Variants in HYOU1 observed in about 807,000 individuals in gnomAD.
HYOU1 encodes the protein hypoxia up-regulated 1.
Under a neutral mutation model 120.5 loss-of-function variants are expected in HYOU1, and 40 were observed. The ratio of observed to expected loss-of-function variants is 0.33; its 90% CI spans 0.26 to 0.43. The LOEUF is 0.43. Ranked by LOEUF, HYOU1 falls within the 20% of genes least tolerant of loss-of-function variation. The pLI is 1.00. For missense variants in HYOU1, 1,085 were observed against 1,278.3 expected (o/e 0.85, Z 2.31); for synonymous variants, 501 against 479.4 (o/e 1.05, Z -0.59).
In HYOU1 at chr11:119,052,343, C is replaced by A. The variant is rs2133592076; in HGVS notation, c.1074G>T (p.Arg358=). 3.6e-5 allele frequency: 58 copies of A among 1,614,236 alleles called. 1 individual carries two copies. In the South Asian group the frequency reaches 4.2e-4, roughly 12 times the overall value. ...FEELCADLFE[R]VPGPVQQALQ... is the part of the protein sequence containing the mutation. ...GGGCCTGCTGTACAGGCCCAGGCAC[C>A]CGCTCAAACAAGTCTGCACACAACT... Residue 358 remains arginine, a synonymous_variant, in exon 10 of 26, where the codon CGG becomes CGT. Coordinates refer to ENST00000617285, the MANE Select transcript of HYOU1 (RefSeq NM_006389.5). This position sits in a 1 kb window ranked among gnomAD's most constrained non-coding sequence, Gnocchi z 5.0.
intron 7 of HYOU1, 23 bp from the exon 8 acceptor site, chr11:119,054,259 G>C (rs2133603797): frequency 2.5e-6 from 4 of 1,579,958 alleles, no homozygotes; most frequent in Middle Eastern, 1.7e-4. Context: ...CAAGGCAACT[G>C]TCACAGGAAC....
At position 119,051,634 on chromosome 11, in the gene HYOU1, C is replaced by A. The variant is rs201609952; in HGVS notation, c.1339-9G>T. On this transcript the variant is annotated splice_polypyrimidine_tract_variant and intron_variant, in intron 12 of 25. Transcript: ENST00000617285. This position sits in a 1 kb window ranked among gnomAD's most constrained non-coding sequence, Gnocchi z 4.2. ...TCCCTCGTGAACTCCACCTACACAG[C>A]AGGCAGACAGAGGCACACTGTTGCA... 5.3e-5 allele frequency: 85 copies of A among 1,613,856 alleles called. No individual in the cohort carries two copies. In the African/African-American group the frequency reaches 1.0e-3, roughly 19 times the overall value.
In HYOU1 at chr11:119,048,288, G is replaced by C; in HGVS notation, c.2336C>G (p.Ser779Cys). 1 of 1,611,492 alleles carries C rather than the reference G, an allele frequency of 6.2e-7. No homozygotes were observed. Among genetic ancestry groups the C allele is most frequent in the East Asian group, 2.2e-5 (1 of 44,878 alleles). ...EEISGKLSAA[S>C]TWLEDEGVGA... Reference sequence around the variant, plus strand: ...AACACCCTCATCCTCCAGCCAGGTGGATGCGGCGCTGAGCTTCCCAGAGAT... The same window carrying C: ...AACACCCTCATCCTCCAGCCAGGTGCATGCGGCGCTGAGCTTCCCAGAGAT... Residue 779 changes from serine to cysteine, a missense_variant, in exon 20 of 26, where the codon TCC becomes TGC. Ser to Cys is a moderately radical substitution (Grantham distance 112). Transcript: ENST00000617285. The surrounding 1 kb of genome is among the most constrained non-coding windows in gnomAD (Gnocchi z 4.7).
At position 119,047,758 on chromosome 11, in the gene HYOU1, T is replaced by C; in HGVS notation, c.2571A>G (p.Leu857=). Residue 857 remains leucine (L), a synonymous_variant, in exon 22 of 26, where the codon TTA becomes TTG. Coordinates refer to ENST00000617285, the MANE Select transcript of HYOU1 (RefSeq NM_006389.5). ...CCCAGGTCTCATTGATGACTTTCTC[T>C]AACGTTGTCATCTCCACCTCAGTGA... The part of the protein sequence containing the change: ...QIFTEVEMTT[L]EKVINETWAW... 1 of 1,614,050 alleles carries C rather than the reference T, an allele frequency of 6.2e-7. No individual in the cohort carries two copies.
At chr11:119,045,927 AT>A in intron 24 of HYOU1, 96 bp from the exon 25 acceptor site, 1 of 1,192,600 alleles carries the variant, frequency 8.4e-7, no homozygotes, top group Non-Finnish European at 1.2e-6. Flanking sequence ...GCTAGTAAAT[AT>A]TTTAGGATGC....
Position 119,048,029 on chromosome 11 carries a change from A to G in HYOU1, c.2428T>C (p.Phe810Leu). Residue 810 changes from phenylalanine (F) to leucine (L), a missense_variant, in exon 21 of 26, where the codon TTT becomes CTT. Phe to Leu is a conservative substitution (Grantham distance 22). Transcript: ENST00000617285. This position sits in a 1 kb window ranked among gnomAD's most constrained non-coding sequence, Gnocchi z 4.7. ...CACTTCTTGCGCTCCTCTACCCGAA[A>G]AAACAGCCCTTGGCACAGCTTCCTC... is the stretch of plus-strand genomic sequence containing the variant. ...ELRKLCQGLFFRVEERKKWPE... is the reference protein window; with the variant it reads ...ELRKLCQGLFLRVEERKKWPE... 2 of 1,614,206 alleles carry G rather than the reference A, an allele frequency of 1.2e-6. No homozygotes were observed. Among genetic ancestry groups the G allele is most frequent in the East Asian group, 2.2e-5 (1 of 44,888 alleles).
chr11:119,056,364 G>A (rs1944763366), intron 1 of HYOU1, 197 bp from the exon 2 acceptor site: 2 of 665,908 alleles, frequency 3.0e-6, no homozygotes, highest in Non-Finnish European at 5.5e-6. Context: ...CCCACACAAA[G>A]GCCCAAGTGA....
At chr11:119,053,130 T>C (rs2133597872) in intron 8 of HYOU1, 6 of 341,314 alleles carry the variant, frequency 1.8e-5, no homozygotes, top group African/African-American at 1.1e-4. Context: ...TATGGAAAAG[T>C]TGAATAATCA....
rs1944831366 is a variant in HYOU1, at chr11:119,057,133, CTG to C, written c.-123_-122del. On this transcript the variant is annotated 5_prime_UTR_variant, in exon 1 of 26. Transcript: ENST00000617285. ...TTCACAACTCCTCTCGGTTTGCAAA[CTG>C]TTACATTAGCCACCAACCTCTCGGC... 1.3e-5 allele frequency: 2 copies of C among 152,064 alleles called. No individual in the cohort carries two copies. Among genetic ancestry groups the C allele is most frequent in the African/African-American group, 2.4e-5 (1 of 41,418 alleles). 9.4% of individuals were successfully genotyped at this position (152,064 alleles called of 1,614,324 possible). A position where few individuals can be genotyped will look rare whatever the true frequency, so the allele number is the denominator to read the frequency against.
rs1277197637 is a variant in HYOU1, at chr11:119,055,703, G to A, written c.185+47C>T. ...TATGACTAACACATTCACACTTGGA[G>A]CCCAGACTCCCTCGTTCCCCACCCT... On this transcript the variant is annotated intron_variant, in intron 3 of 25. Coordinates refer to ENST00000617285, the MANE Select transcript of HYOU1 (RefSeq NM_006389.5). The surrounding 1 kb of genome is among the most constrained non-coding windows in gnomAD (Gnocchi z 4.0). The A allele has an allele frequency of 6.4e-7, 1 of 1,550,676 alleles. No homozygotes were observed. The highest frequency in any genetic ancestry group is 8.9e-7 in the Non-Finnish European group (1 of 1,122,368).
chr11:119,055,944 G>T lies in HYOU1; in HGVS notation c.92-101C>A. ...CACTTTCCATGGGTAAACGAAGATG[G>T]CAAAAGACAAAAAGGCCTGGACCTA... On this transcript the variant is annotated intron_variant, in intron 2 of 25. Transcript: ENST00000617285. This position sits in a 1 kb window ranked among gnomAD's most constrained non-coding sequence, Gnocchi z 4.0. 1 of 1,382,284 alleles carries T rather than the reference G, an allele frequency of 7.2e-7. No individual in the cohort carries two copies. The highest frequency in any genetic ancestry group is 1.2e-5 in the South Asian group (1 of 85,940). The allele number at this position is 1,382,284 out of a possible 1,614,324, so 85.6% of individuals were successfully genotyped here. A position where few individuals can be genotyped will look rare whatever the true frequency, so the allele number is the denominator to read the frequency against.
intron 6 of HYOU1, 103 bp from the exon 7 acceptor site, chr11:119,054,778 G>T: frequency 7.8e-7 from 1 of 1,274,174 alleles, no homozygotes; most frequent in South Asian, 1.4e-5. Flanking sequence ...TCTGTGTTGT[G>T]GGGCTGTCCT....
rs1944481237 is a variant in HYOU1, at chr11:119,052,128, G to C, written c.1167C>G (p.Val389=). The change falls in exon 11 of 26, where the codon GTC becomes GTG. Residue 389 remains valine (V), a synonymous_variant. Transcript: ENST00000617285. This position sits in a 1 kb window ranked among gnomAD's most constrained non-coding sequence, Gnocchi z 5.0. ...TCAGCAGCACCTCCTGAACTCTGGG[G>C]ACCCGAGTGGCCCCACCCACCAGGA... ...QVILVGGATR[V]PRVQEVLLKA... The C allele has an allele frequency of 6.2e-7, 1 of 1,614,024 alleles. No homozygotes were observed. Among genetic ancestry groups the C allele is most frequent in the African/African-American group, 1.3e-5 (1 of 74,926 alleles).
rs531805059 is a variant in HYOU1, at chr11:119,055,654, G to A, written c.186-83C>T. 9 of 1,500,726 alleles carry A rather than the reference G, an allele frequency of 6.0e-6. No individual in the cohort carries two copies. In the South Asian group the frequency reaches 9.0e-5, roughly 15 times the overall value. 93.0% of individuals were successfully genotyped at this position (1,500,726 alleles called of 1,614,324 possible). A position where few individuals can be genotyped will look rare whatever the true frequency, so the allele number is the denominator to read the frequency against. ...ACACTCACACACATTTAACCACTCA[G>A]ATGCCGAAGTCTGCTGTGGGCACTA... On this transcript the variant is annotated intron_variant, in intron 3 of 25. Coordinates refer to ENST00000617285, the MANE Select transcript of HYOU1 (RefSeq NM_006389.5). This position sits in a 1 kb window ranked among gnomAD's most constrained non-coding sequence, Gnocchi z 4.0.
rs2133596103 is a variant in HYOU1, at chr11:119,052,832, G to A, written c.795-3C>T. The A allele has an allele frequency of 1.2e-5, 20 of 1,609,224 alleles. No individual in the cohort carries two copies. Among genetic ancestry groups the A allele is most frequent in the Middle Eastern group, 1.7e-4 (1 of 6,034 alleles). On this transcript the variant is annotated splice_polypyrimidine_tract_variant and splice_region_variant and intron_variant, in intron 8 of 25. Transcript: ENST00000617285. This position sits in a 1 kb window ranked among gnomAD's most constrained non-coding sequence, Gnocchi z 5.0. The stretch of plus-strand genomic sequence containing the variant: ...GGCCCCCCAGGGTACGGTCAAATCT[G>A]TTGAGAAAAGGGAGCAGGGAAAAAA...
In HYOU1 at chr11:119,048,817, T is replaced by G. The variant is rs2133567501; in HGVS notation, c.2062A>C (p.Lys688Gln). The change falls in exon 18 of 26, where the codon AAG becomes CAG. Residue 688 changes from lysine to glutamine, a missense_variant. Transcript: ENST00000617285. This position sits in a 1 kb window ranked among gnomAD's most constrained non-coding sequence, Gnocchi z 4.7. The part of the protein sequence containing the change: ...APAPEGEKKQ[K>Q]PARKRRMVEE... ...ACCATTCGCCGCTTCCTGGCGGGCT[T>G]CTGCTTCTTCTCTCCCTCTGGGGCT... 1 of 1,614,120 alleles carries G rather than the reference T, an allele frequency of 6.2e-7. No homozygotes were observed. The highest frequency in any genetic ancestry group is 8.5e-7 in the Non-Finnish European group (1 of 1,180,014).
chr11:119,054,485 C>T lies in HYOU1; in HGVS notation c.678+9G>A. On this transcript the variant is annotated intron_variant, in intron 7 of 25. Transcript: ENST00000617285. ...CCCTGCATGTCTGGTCAAGGCTCCCCTGGCTCACCTGGGCAGTGGTGTTAA... is the reference window on the plus strand; with the variant it reads ...CCCTGCATGTCTGGTCAAGGCTCCCTTGGCTCACCTGGGCAGTGGTGTTAA... The T allele has an allele frequency of 6.2e-7, 1 of 1,613,910 alleles. No individual in the cohort carries two copies. The highest frequency in any genetic ancestry group is 8.5e-7 in the Non-Finnish European group (1 of 1,179,852).
chr11:119,049,873 T>C, intron 14 of HYOU1, 36 bp from the exon 15 acceptor site: 1 of 1,584,516 alleles, frequency 6.3e-7, no homozygotes, highest in Non-Finnish European at 8.7e-7. Context: ...ATACACAGGC[T>C]AATCCACCTT....
In HYOU1 at chr11:119,051,260, C is replaced by A; in HGVS notation, c.1527-87G>T. ...TACATGGCCTCCTGGCACAAGGTGT[C>A]AGGGGCACTCCCCAAGGGCACACTC... On this transcript the variant is annotated intron_variant, in intron 13 of 25. Coordinates refer to ENST00000617285, the MANE Select transcript of HYOU1 (RefSeq NM_006389.5). The surrounding 1 kb of genome is among the most constrained non-coding windows in gnomAD (Gnocchi z 4.2). The A allele has an allele frequency of 6.4e-7, 1 of 1,568,146 alleles. No individual in the cohort carries two copies. The highest frequency in any genetic ancestry group is 8.7e-7 in the Non-Finnish European group (1 of 1,148,126).
Sources: allele counts gnomAD v4.1 joint callset, GRCh38; gene constraint gnomAD v4.1.1; non-coding constraint Gnocchi (gnomAD v3.1); transcripts MANE v1.5; gene names NCBI Gene and HGNC (gene_info 2026-07-23, HGNC 2026-07-21).